Variants in TNFRSF1B observed in about 807,000 individuals in gnomAD.
TNFRSF1B encodes TNF receptor superfamily member 1B, also known as tumor necrosis factor receptor superfamily member 1B.
TNFRSF1B carries 19 observed loss-of-function variants against 44.6 expected under a neutral mutation model. The observed-to-expected ratio is 0.43, with a 90% CI of 0.30 to 0.62. The LOEUF (loss-of-function observed/expected upper bound fraction) is 0.62. Among genes scored for constraint, TNFRSF1B ranks in the 20% least tolerant of loss-of-function variants. The probability of loss-of-function intolerance (pLI) is 0.16; values close to 1 mark genes in which losing one functional copy is unlikely to be tolerated. For missense variants in TNFRSF1B, 541 were observed against 619.9 expected, an observed-to-expected ratio of 0.87 and a Z score of 1.35; for synonymous variants, 252 against 261.1, an observed-to-expected ratio of 0.97 and a Z score of 0.34.
chr1:12,176,809 G>A (rs1638666392), intron 1 of TNFRSF1B, among the ~76,000 whole-genome samples: 1 of 152,252 alleles, frequency 6.6e-6, no homozygotes, highest in Admixed American at 6.5e-5. Flanking sequence ...CTGGGTTGGT[G>A]AAGAAGCAGA....
chr1:12,194,151 C>T, intron 7 of TNFRSF1B, 119 bp downstream of exon 7: 2 of 790,380 alleles, frequency 2.5e-6, no homozygotes, highest in Non-Finnish European at 4.3e-6. Context: ...TATGGGGGTC[C>T]TTGTTCTGTA....
At chr1:12,202,754 T>C (rs1639421891) in intron 9 of TNFRSF1B, among the ~76,000 whole-genome samples, 1 of 152,226 alleles carries the variant, frequency 6.6e-6, no homozygotes, top group Non-Finnish European at 1.5e-5. Context: ...TTCCTGTTGT[T>C]ATCCCATTTT....
Position 12,180,273 on chromosome 1 carries a change from A to G in TNFRSF1B, c.79-8523A>G, listed in dbSNP as rs1638762292. On this transcript the variant is annotated intron_variant, in intron 1 of 9. Transcript: ENST00000376259. The surrounding 1 kb of genome is among the most constrained non-coding windows in gnomAD (Gnocchi z 4.3). ...AGCAAGACCCGGTCTCTTTCTATAA[A>G]TGAAAAAATAATAATAAAGCCATGA... Among the ~76,000 whole-genome samples the G allele has an allele frequency of 6.6e-6, 1 of 152,190 alleles. No individual in the cohort carries two copies. The highest frequency in any genetic ancestry group is 2.1e-4 in the South Asian group (1 of 4,830).
chr1:12,193,801 G>T (rs1229564658), intron 6 of TNFRSF1B, among the ~76,000 whole-genome samples, 154 bp from the exon 7 acceptor site: 3 of 152,182 alleles, frequency 2.0e-5, no homozygotes, highest in Non-Finnish European at 2.9e-5. Context: ...ACACAGACAT[G>T]ATTGCTTTGT....
At chr1:12,204,140 C>G (rs1639449803) in intron 9 of TNFRSF1B, among the ~76,000 whole-genome samples, 1 of 152,064 alleles carries the variant, frequency 6.6e-6, no homozygotes, top group Admixed American at 6.5e-5. Flanking sequence ...GCTCTGTGCT[C>G]CTTCTCCCGA....
At chr1:12,189,813 C>G (rs1639071981) in intron 2 of TNFRSF1B, among the ~76,000 whole-genome samples, 1 of 152,188 alleles carries the variant, frequency 6.6e-6, no homozygotes, top group Admixed American at 6.5e-5. Context: ...GGGAAGGTCT[C>G]TCTGAGGAGG....
In TNFRSF1B at chr1:12,189,417, C is replaced by T. The variant is rs562092545; in HGVS notation, c.178+522C>T. 4.7e-4 allele frequency among the ~76,000 whole-genome samples: 71 copies of T among 152,338 alleles called. No individual in the cohort carries two copies. In the South Asian group the frequency reaches 0.013, roughly 28 times the overall value. ...CTTGTTTTCTGCTGAATCCCCAGCA[C>T]GTGGCGCAATGCCATGTAGGTGCTC... On this transcript the variant is annotated intron_variant, in intron 2 of 9. Coordinates refer to ENST00000376259, the MANE Select transcript of TNFRSF1B (RefSeq NM_001066.3).
At chr1:12,198,372 T>C (rs1228482484) in intron 8 of TNFRSF1B, among the ~76,000 whole-genome samples, 1 of 152,126 alleles carries the variant, frequency 6.6e-6, no homozygotes, top group East Asian at 1.9e-4. Flanking sequence ...ACTTTCCCAG[T>C]GTGGCACAGC....
chr1:12,167,058 G>A lies in TNFRSF1B; in HGVS notation c.-34G>A, dbSNP rs763568824. On this transcript the variant is annotated 5_prime_UTR_variant, in exon 1 of 10. Transcript: ENST00000376259. Reference sequence around the variant, plus strand: ...CTGGGCTGCGAGGGCGCGAGGGCGCGAGGGCAGGGGGCAACCGGACCCCGC... The same window carrying A: ...CTGGGCTGCGAGGGCGCGAGGGCGCAAGGGCAGGGGGCAACCGGACCCCGC... 18 of 1,269,794 alleles carry A rather than the reference G, an allele frequency of 1.4e-5. No individual in the cohort carries two copies. Among genetic ancestry groups the A allele is most frequent in the South Asian group, 5.0e-5 (2 of 40,360 alleles). 78.7% of individuals were successfully genotyped at this position (1,269,794 alleles called of 1,614,324 possible).
At position 12,192,524 on chromosome 1, in the gene TNFRSF1B, T is replaced by C. The variant is rs769329010; in HGVS notation, c.551T>C (p.Ile184Thr). The change falls in exon 5 of 10, where the codon ATC (isoleucine) becomes ACC (threonine). Residue 184 changes from isoleucine (I) to threonine (T), a missense_variant and splice_region_variant. Coordinates refer to ENST00000376259, the MANE Select transcript of TNFRSF1B (RefSeq NM_001066.3). Reference protein sequence around the residue: ...SSTDICRPHQICNVVAIPGNA... With the variant: ...SSTDICRPHQTCNVVAIPGNA... ...ACGGATATTTGCAGGCCCCACCAGA[T>C]GTGAGTAGCTGAGTCCTTTGGTTCT... The C allele has an allele frequency of 6.2e-7, 1 of 1,613,888 alleles. No homozygotes were observed. The highest frequency in any genetic ancestry group is 1.7e-5 in the Admixed American group (1 of 59,990).
rs905540628 is a variant in TNFRSF1B, at chr1:12,187,002, C to T, written c.79-1794C>T. The stretch of plus-strand genomic sequence containing the variant: ...AGGGCAGGACTCAGGGGCTTGCTCC[C>T]GGGGGTCCTGGGAAGGCACAATGGT... On this transcript the variant is annotated intron_variant, in intron 1 of 9. Transcript: ENST00000376259. This position sits in a 1 kb window ranked among gnomAD's most constrained non-coding sequence, Gnocchi z 5.5. Among the ~76,000 whole-genome samples, 15 of 152,100 alleles carry T rather than the reference C, an allele frequency of 9.9e-5. No individual in the cohort carries two copies. The highest frequency in any genetic ancestry group is 9.2e-4 in the Admixed American group (14 of 15,266).
In TNFRSF1B at chr1:12,187,797, G is replaced by T. The variant is rs528027719; in HGVS notation, c.79-999G>T. Among the ~76,000 whole-genome samples the T allele has an allele frequency of 3.3e-5, 5 of 152,296 alleles. No individual in the cohort carries two copies. Among genetic ancestry groups the T allele is most frequent in the Non-Finnish European group, 7.4e-5 (5 of 68,014 alleles). On this transcript the variant is annotated intron_variant, in intron 1 of 9. Coordinates refer to ENST00000376259, the MANE Select transcript of TNFRSF1B (RefSeq NM_001066.3). This position sits in a 1 kb window ranked among gnomAD's most constrained non-coding sequence, Gnocchi z 5.5. ...AGGGCTCCCAGGAGAAGCAGGCAGG[G>T]CAGGTCAGGGGAGGGGGCTTAGCAG...
At chr1:12,183,461 TC>T (rs1638856174) in intron 1 of TNFRSF1B, among the ~76,000 whole-genome samples, 1 of 151,990 alleles carries the variant, frequency 6.6e-6, no homozygotes, top group Non-Finnish European at 1.5e-5. Context: ...TCTCTCTCTC[TC>T]TCTCTCTCTC....
Position 12,192,413 on chromosome 1 carries a change from T to C in TNFRSF1B, c.458-18T>C, listed in dbSNP as rs770961458. The C allele has an allele frequency of 2.1e-5, 34 of 1,613,508 alleles. No individual in the cohort carries two copies. Among genetic ancestry groups the C allele is most frequent in the Non-Finnish European group, 2.7e-5 (32 of 1,179,692 alleles). Reference sequence around the variant, plus strand: ...CAGAGTGTCTGAGTGGTTGACAAGTTCGGATTGTTCCCTGAAGGAACTGAA... The same window carrying C: ...CAGAGTGTCTGAGTGGTTGACAAGTCCGGATTGTTCCCTGAAGGAACTGAA... On this transcript the variant is annotated intron_variant, in intron 4 of 9. Coordinates refer to ENST00000376259, the MANE Select transcript of TNFRSF1B (RefSeq NM_001066.3).
intron 8 of TNFRSF1B, among the ~76,000 whole-genome samples, chr1:12,198,708 T>TTTTTTTTTTTTTG (rs1557638867): frequency 4.1e-5 from 6 of 146,834 alleles, no homozygotes; most frequent in East Asian, 2.0e-4. Flanking sequence ...TTTTTTTTTT[T>TTTTTTTTTTTTTG]GAGAAAGAGT....
chr1:12,174,740 C>G (rs1638613402), intron 1 of TNFRSF1B, among the ~76,000 whole-genome samples: 1 of 152,180 alleles, frequency 6.6e-6, no homozygotes, highest in African/African-American at 2.4e-5. Flanking sequence ...CTCCCTACCC[C>G]CTCTTTTGGA....
chr1:12,185,105 T>G (rs2101096546), intron 1 of TNFRSF1B, among the ~76,000 whole-genome samples: 1 of 148,942 alleles, frequency 6.7e-6, no homozygotes, highest in East Asian at 1.9e-4. Flanking sequence ...GCAGTTAGTA[T>G]TCGATGGAAT....
In TNFRSF1B at chr1:12,171,176, C is replaced by CTT. The variant is rs61185238; in HGVS notation, c.78+4023_78+4024dup. ...TGCCACCATGCCCGGCTAATTTTTC[C>CTT]TTTTTTTTTTTTTTTTTAGTAGAGA... is the stretch of plus-strand genomic sequence containing the variant. On this transcript the variant is annotated intron_variant, in intron 1 of 9. Coordinates refer to ENST00000376259, the MANE Select transcript of TNFRSF1B (RefSeq NM_001066.3). This position sits in a 1 kb window ranked among gnomAD's most constrained non-coding sequence, Gnocchi z 4.5. Among the ~76,000 whole-genome samples the CTT allele has an allele frequency of 0.018, 2,406 of 137,412 alleles. 49 individuals are homozygous for CTT. The highest frequency in any genetic ancestry group is 0.059 in the African/African-American group (2,198 of 37,364). 90.1% of individuals were successfully genotyped at this position (137,412 alleles called of 152,430 possible).
At chr1:12,198,101 G>A (rs568770596) in intron 8 of TNFRSF1B, among the ~76,000 whole-genome samples, 1 of 138,728 alleles carries the variant, frequency 7.2e-6, no homozygotes, top group African/African-American at 2.7e-5. Context: ...CAGCCTGGGC[G>A]ATAGAGCGAG....
Sources: allele counts gnomAD v4.1 joint callset (sites outside exome capture counted in the v4.1 genomes callset), GRCh38; gene constraint gnomAD v4.1.1; non-coding constraint Gnocchi (gnomAD v3.1); transcripts MANE v1.5; gene names NCBI Gene and HGNC (gene_info 2026-07-23, HGNC 2026-07-21).